The following ITGB2 variants were observed in gnomAD, a reference collection of about 807,000 sequenced individuals.
The protein encoded by ITGB2 is integrin beta-2.
A neutral mutation model predicts 86.8 loss-of-function variants in ITGB2; 56 were observed. The observed-to-expected ratio is 0.65, with a 90% CI of 0.52 to 0.81. The LOEUF (loss-of-function observed/expected upper bound fraction) is 0.81, where lower values mean the gene tolerates loss of function less well. Ranked by LOEUF, ITGB2 falls within the 30% of genes least tolerant of loss-of-function variation. The probability of loss-of-function intolerance (pLI) is 0.00; values close to 1 mark genes in which losing one functional copy is unlikely to be tolerated. For synonymous variants in ITGB2, 457 were observed against 450.4 expected (o/e 1.01, Z -0.19); for missense variants, 948 against 1,061.2 (o/e 0.89, Z 1.48).
rs374031101 is a variant in ITGB2 at position 44,910,319 on chromosome 21, C to G, written c.112G>C (p.Glu38Gln). The G allele has an allele frequency of 4.3e-6, 7 of 1,614,140 alleles. No homozygotes were observed. The highest frequency in any genetic ancestry group is 4.2e-6 in the Non-Finnish European group (5 of 1,180,018). ...FKVSSCRECI[E>Q]SGPGCTWCQK... ...CACCAGGTGCAGCCGGGCCCCGACT[C>G]GATGCATTCCCGGCAGCTGCTGACC... Residue 38 changes from glutamate (E) to glutamine (Q), a missense_variant, in exon 3 of 16, where the codon GAG (glutamate) becomes CAG (glutamine). Glu to Gln is a conservative substitution (Grantham distance 29). Transcript: ENST00000652462.
chr21:44,906,208 A>C, intron 4 of ITGB2, among the ~76,000 whole-genome samples: 1 of 119,238 alleles, frequency 8.4e-6, no homozygotes. Context: ...CTTTCTTTTC[A>C]TTTTGAGACA....
intron 8 of ITGB2, among the ~76,000 whole-genome samples, chr21:44,898,355 C>A (rs752640850): frequency 6.6e-6 from 1 of 152,230 alleles, no homozygotes; most frequent in Non-Finnish European, 1.5e-5. Context: ...CACCTTTGAC[C>A]TTTGCTGACT....
In ITGB2 at chr21:44,891,916, G is replaced by A. The variant is rs1429289902; in HGVS notation, c.1305C>T (p.Asp435=). The change falls in exon 11 of 16, where the codon GAC becomes GAT. Residue 435 remains aspartate, a synonymous_variant. Transcript: ENST00000652462. ...GGGGAAGAACCTGCACGGTCACTAT[G>A]TCCGTGAAGCCCAGCGCCCGGATGA... ...SFVIRALGFT[D]IVTVQVLPQC... The A allele has an allele frequency of 1.9e-6, 3 of 1,613,418 alleles. No homozygotes were observed. The highest frequency in any genetic ancestry group is 8.5e-7 in the Non-Finnish European group (1 of 1,179,990).
At chr21:44,895,901 AT>A (rs2083860963) in intron 8 of ITGB2, among the ~76,000 whole-genome samples, 6 of 149,362 alleles carry the variant, frequency 4.0e-5, no homozygotes, top group African/African-American at 1.5e-4. Flanking sequence ...ATAAAATAAA[AT>A]AAATAAAAAA....
intron 1 of ITGB2, among the ~76,000 whole-genome samples, chr21:44,912,566 T>C (rs985303584): frequency 6.6e-6 from 1 of 152,228 alleles, no homozygotes; most frequent in Non-Finnish European, 1.5e-5. Context: ...TGCACCCTGC[T>C]GTAACTTCCT....
At chr21:44,915,332 C>T (rs577445939) in intron 1 of ITGB2, among the ~76,000 whole-genome samples, 2 of 152,298 alleles carry the variant, frequency 1.3e-5, no homozygotes, top group East Asian at 3.9e-4. Flanking sequence ...TCTCAGGCTT[C>T]CTTTTTGCAA....
At chr21:44,899,734 C>G (rs1000142643) in intron 7 of ITGB2, among the ~76,000 whole-genome samples, 1 of 152,236 alleles carries the variant, frequency 6.6e-6, no homozygotes, top group Non-Finnish European at 1.5e-5. Context: ...AGTCCTGGCC[C>G]CTCTGAGCCA....
chr21:44,892,604 C>CAAAAAAAAAAAAA (rs11327948), intron 10 of ITGB2, among the ~76,000 whole-genome samples: 3 of 71,152 alleles, frequency 4.2e-5, no homozygotes, highest in Admixed American at 1.7e-4. Flanking sequence ...AACTCCATCT[C>CAAAAAAAAAAAAA]AAAAAAAAAA....
In ITGB2 at chr21:44,916,944, A is replaced by C. The variant is rs887240689; in HGVS notation, c.-4+3877T>G. 2.6e-5 allele frequency among the ~76,000 whole-genome samples: 4 copies of C among 152,332 alleles called. No individual in the cohort carries two copies. In the East Asian group the frequency reaches 5.8e-4, roughly 22 times the overall value. ...TAAAAATGGCACATGTTGTACTAACAAATTGCATAGAGGAAATAGCTATTA... is the reference window on the plus strand; with the variant it reads ...TAAAAATGGCACATGTTGTACTAACCAATTGCATAGAGGAAATAGCTATTA... On this transcript the variant is annotated intron_variant, in intron 1 of 15. Transcript: ENST00000652462.
Position 44,888,851 on chromosome 21 carries a change from T to C in ITGB2, c.1922A>G (p.Lys641Arg). The C allele has an allele frequency of 6.2e-7, 1 of 1,609,530 alleles. No homozygotes were observed. The highest frequency in any genetic ancestry group is 8.5e-7 in the Non-Finnish European group (1 of 1,179,942). Reference sequence around the variant, plus strand: ...GCCCGGACACGCCGCGCTGCAGTTCTTCCCAAAGGGGCCCTTTTCGAACTT... The same window carrying C: ...GCCCGGACACGCCGCGCTGCAGTTCCTCCCAAAGGGGCCCTTTTCGAACTT... ...CLKFEKGPFG[K>R]NCSAACPGLQ... The change falls in exon 14 of 16, where the codon AAG (lysine) becomes AGG (arginine). Residue 641 changes from lysine (K) to arginine (R), a missense_variant. Coordinates refer to ENST00000652462, the MANE Select transcript of ITGB2 (RefSeq NM_000211.5).
chr21:44,895,703 T>C (rs2083854639), intron 8 of ITGB2, among the ~76,000 whole-genome samples: 1 of 150,970 alleles, frequency 6.6e-6, no homozygotes, highest in South Asian at 2.1e-4. Flanking sequence ...TAGCTGGGCG[T>C]GGTGGTGGGC....
intron 5 of ITGB2, 74 bp from the exon 6 acceptor site, chr21:44,901,807 G>A (rs529682162): frequency 8.9e-5 from 134 of 1,511,154 alleles, no homozygotes; most frequent in South Asian, 2.3e-4. Flanking sequence ...AAAGGGGCAC[G>A]AGGGCAAGCC....
chr21:44,919,822 G>A (rs369594910), intron 1 of ITGB2, among the ~76,000 whole-genome samples: 1 of 152,234 alleles, frequency 6.6e-6, no homozygotes, highest in Admixed American at 6.5e-5. Flanking sequence ...TCCAGGGGAG[G>A]GGGGATTGGG....
At position 44,899,173 on chromosome 21, in the gene ITGB2, G is replaced by A. The variant is rs748841072; in HGVS notation, c.898-11C>T. The stretch of plus-strand genomic sequence containing the variant: ...CACCGATGGGTAGTCCTGGAGAGAG[G>A]AGGTCCTGCTCAGTTGGCCCCGAGT... On this transcript the variant is annotated splice_polypyrimidine_tract_variant and intron_variant, in intron 7 of 15. Coordinates refer to ENST00000652462, the MANE Select transcript of ITGB2 (RefSeq NM_000211.5). The A allele has an allele frequency of 1.9e-6, 3 of 1,607,896 alleles. No homozygotes were observed. The highest frequency in any genetic ancestry group is 2.6e-6 in the Non-Finnish European group (3 of 1,174,660).
rs757330899 is a variant in ITGB2, at chr21:44,891,919, C to T, written c.1302G>A (p.Thr434=). Reference sequence around the variant, plus strand: ...GAAGAACCTGCACGGTCACTATGTCCGTGAAGCCCAGCGCCCGGATGACAA... The same window carrying T: ...GAAGAACCTGCACGGTCACTATGTCTGTGAAGCCCAGCGCCCGGATGACAA... ...QSFVIRALGF[T]DIVTVQVLPQ... The change falls in exon 11 of 16, where the codon ACG becomes ACA. Residue 434 remains threonine, a synonymous_variant. Coordinates refer to ENST00000652462, the MANE Select transcript of ITGB2 (RefSeq NM_000211.5). 31 of 1,613,316 alleles carry T rather than the reference C, an allele frequency of 1.9e-5. No individual in the cohort carries two copies. Among genetic ancestry groups the T allele is most frequent in the South Asian group, 5.5e-5 (5 of 91,092 alleles).
At chr21:44,906,844 G>A in intron 4 of ITGB2, 71 bp downstream of exon 4, 22 of 1,550,744 alleles carry the variant, frequency 1.4e-5, no homozygotes, top group Non-Finnish European at 1.9e-5. Flanking sequence ...CCCAGAGCAG[G>A]GCCGGACTCC....
intron 2 of ITGB2, 149 bp downstream of exon 2, chr21:44,910,576 A>G (rs1365416364): frequency 1.5e-6 from 2 of 1,375,018 alleles, no homozygotes; most frequent in Admixed American, 3.9e-5. Flanking sequence ...ACGTGCGGAG[A>G]CGAGGCCTGA....
intron 9 of ITGB2, chr21:44,894,417 A>C: frequency 1.1e-5 from 2 of 178,160 alleles, no homozygotes; most frequent in Non-Finnish European, 2.5e-5. Flanking sequence ...CCTGAATGGC[A>C]CCTAGTGCGC....
At chr21:44,894,626 C>T (rs1307088253) in intron 9 of ITGB2, 5 of 375,012 alleles carry the variant, frequency 1.3e-5, no homozygotes, top group Middle Eastern at 9.1e-4. Flanking sequence ...GTGGGGGTTT[C>T]CTGTGGCCTC....
Sources: gnomAD v4.1 joint callset for allele counts (sites outside exome capture counted in the v4.1 genomes callset) on GRCh38, gnomAD v4.1.1 for gene constraint, MANE v1.5 for transcripts, NCBI Gene and HGNC (gene_info 2026-07-23, HGNC 2026-07-21) for gene names.